The following OTUB1 variants were observed in gnomAD, a reference collection of about 807,000 sequenced individuals.
OTUB1 encodes OTU deubiquitinase, ubiquitin aldehyde binding 1, also known as ubiquitin thioesterase OTUB1.
A neutral mutation model predicts 35.8 loss-of-function variants in OTUB1; 10 were observed. The ratio of observed to expected loss-of-function variants is 0.28; its 90% CI spans 0.17 to 0.47. OTUB1 has a LOEUF of 0.47. OTUB1 is among the 20% of genes least tolerant of loss of function. The pLI is 0.99. For missense variants in OTUB1, 264 were observed against 351.6 expected (o/e 0.75, Z 1.99); for synonymous variants, 158 against 143.8 (o/e 1.10, Z -0.71).
In OTUB1 at chr11:63,988,756, G is replaced by A; in HGVS notation, c.219+4G>A. 6.2e-7 allele frequency: 1 copy of A among 1,603,364 alleles called. No individual in the cohort carries two copies. Among genetic ancestry groups the A allele is most frequent in the Non-Finnish European group, 8.5e-7 (1 of 1,170,972 alleles). On this transcript the variant is annotated splice_donor_region_variant and intron_variant, in intron 3 of 6. Coordinates refer to ENST00000538426, the MANE Select transcript of OTUB1 (RefSeq NM_017670.3). ...CATCTATCAACAGAAGATCAAGGTG[G>A]GAGCCTGGCCAGAGCGGGTGGGAAG...
At chr11:63,988,776 G>GCTTCCCACCCGCTCT in intron 3 of OTUB1, 24 bp downstream of exon 3, 1 of 1,531,390 alleles carries the variant, frequency 6.5e-7, no homozygotes, top group Non-Finnish European at 9.0e-7. Context: ...CAGAGCGGGT[G>GCTTCCCACCCGCTCT]GGAAGCACCC....
At position 63,997,587 on chromosome 11, in the gene OTUB1, C is replaced by T; in HGVS notation, c.*41C>T. On this transcript the variant is annotated 3_prime_UTR_variant, in exon 7 of 7. Coordinates refer to ENST00000538426, the MANE Select transcript of OTUB1 (RefSeq NM_017670.3). ...GCTGCTGCCCTGCTGCCCCCCTCTGCCAGGCGCTAGACATGTACAGAGGTT... is the reference window on the plus strand; with the variant it reads ...GCTGCTGCCCTGCTGCCCCCCTCTGTCAGGCGCTAGACATGTACAGAGGTT... The T allele has an allele frequency of 6.4e-7, 1 of 1,559,850 alleles. No individual in the cohort carries two copies.
In OTUB1 at chr11:63,987,384, G is replaced by A. The variant is rs148969694; in HGVS notation, c.58+870G>A. 1.8e-4 allele frequency among the ~76,000 whole-genome samples: 28 copies of A among 152,342 alleles called. 1 individual carries two copies. In the East Asian group the frequency reaches 5.4e-3, roughly 29 times the overall value. ...GGACTTGTTCAAGATGACATTAAGA[G>A]AGAGCCAGGACTAAAATTCAGGTGT... On this transcript the variant is annotated intron_variant, in intron 1 of 6. Transcript: ENST00000538426.
At chr11:63,987,180 T>C (rs1480813572) in intron 1 of OTUB1, 1 of 152,240 alleles carries the variant, frequency 6.6e-6, no homozygotes, top group Non-Finnish European at 1.5e-5. Context: ...GCGTAGGTCA[T>C]TGGGTGGCAG....
Position 63,995,145 on chromosome 11 carries a change from C to T in OTUB1, c.220-1385C>T, listed in dbSNP as rs547803817. Among the ~76,000 whole-genome samples the T allele has an allele frequency of 3.0e-4, 46 of 152,238 alleles. No homozygotes were observed. The East Asian group carries it at 5.8e-3, about 19-fold the overall frequency. On this transcript the variant is annotated intron_variant, in intron 3 of 6. Transcript: ENST00000538426. ...GACCTCCTGGGCCCACACAGTCCTC[C>T]GACCTCAGCCTCTCGAGTGGCTGGG...
At chr11:63,992,029 C>A (rs1034846308) in intron 3 of OTUB1, among the ~76,000 whole-genome samples, 2 of 152,088 alleles carry the variant, frequency 1.3e-5, no homozygotes, top group African/African-American at 4.8e-5. Flanking sequence ...ACCAGCATGA[C>A]TAACATGGTG....
chr11:63,995,282 T>C (rs984379470), intron 3 of OTUB1, among the ~76,000 whole-genome samples: 3 of 152,046 alleles, frequency 2.0e-5, no homozygotes, highest in Non-Finnish European at 4.4e-5. Flanking sequence ...CTGCAACCTC[T>C]GCTTCCCGGG....
Position 63,988,409 on chromosome 11 carries a change from G to A in OTUB1, c.120+11G>A. On this transcript the variant is annotated intron_variant, in intron 2 of 6. Coordinates refer to ENST00000538426, the MANE Select transcript of OTUB1 (RefSeq NM_017670.3). ...CGAATTCAGCAAGAGGTGAGGGGCTGCAGTGGGCGAGGGAGGCAGTGGCCA... is the reference window on the plus strand; with the variant it reads ...CGAATTCAGCAAGAGGTGAGGGGCTACAGTGGGCGAGGGAGGCAGTGGCCA... 1 of 1,553,014 alleles carries A rather than the reference G, an allele frequency of 6.4e-7. No homozygotes were observed. The highest frequency in any genetic ancestry group is 8.7e-7 in the Non-Finnish European group (1 of 1,147,450).
rs1238275020 is a variant in OTUB1 at position 63,998,129 on chromosome 11, G to A, written c.*583G>A. The A allele has an allele frequency of 3.2e-6, 1 of 312,412 alleles. No homozygotes were observed. The highest frequency in any genetic ancestry group is 7.6e-5 in the East Asian group (1 of 13,108). The allele number at this position is 312,412 out of a possible 1,614,324, so 19.4% of individuals were successfully genotyped here. A position where few individuals can be genotyped will look rare whatever the true frequency, so the allele number is the denominator to read the frequency against. On this transcript the variant is annotated 3_prime_UTR_variant, in exon 7 of 7. Coordinates refer to ENST00000538426, the MANE Select transcript of OTUB1 (RefSeq NM_017670.3). ...GGAGGAGCTGGGCCTCCCACAGGGT[G>A]CCCGGGCAGTGCCATCCTGGTGGGG...
Position 63,997,939 on chromosome 11 carries a change from C to T in OTUB1, c.*393C>T. On this transcript the variant is annotated 3_prime_UTR_variant, in exon 7 of 7. Coordinates refer to ENST00000538426, the MANE Select transcript of OTUB1 (RefSeq NM_017670.3). ...CCTGGAAGTTCCTTAGGGACTTGCC[C>T]AGGGTCCCAGGGCCACCCACACTTC... 1 of 596,726 alleles carries T rather than the reference C, an allele frequency of 1.7e-6. No homozygotes were observed. Among genetic ancestry groups the T allele is most frequent in the Non-Finnish European group, 3.0e-6 (1 of 335,180 alleles). The allele number at this position is 596,726 out of a possible 1,614,324, so 37.0% of individuals were successfully genotyped here. A position where few individuals can be genotyped will look rare whatever the true frequency, so the allele number is the denominator to read the frequency against.
intron 3 of OTUB1, among the ~76,000 whole-genome samples, chr11:63,991,327 CTTA>C (rs1004776266): frequency 5.3e-5 from 8 of 152,188 alleles, no homozygotes; most frequent in Non-Finnish European, 7.4e-5. Context: ...ATTCATTCCT[CTTA>C]TGTCAGTGTC....
chr11:63,993,782 C>T (rs932089601), intron 3 of OTUB1, among the ~76,000 whole-genome samples: 1 of 152,046 alleles, frequency 6.6e-6, no homozygotes, highest in South Asian at 2.1e-4. Flanking sequence ...TGATCCTCCC[C>T]CCTTGGCCTC....
chr11:63,988,576 T>C, intron 2 of OTUB1, 78 bp from the exon 3 acceptor site: 1 of 1,308,386 alleles, frequency 7.6e-7, no homozygotes, highest in Non-Finnish European at 1.1e-6. Context: ...AGCCCAGCTC[T>C]TTTGTAGTTA....
chr11:63,995,588 A>G (rs983699169), intron 3 of OTUB1, among the ~76,000 whole-genome samples: 2 of 151,286 alleles, frequency 1.3e-5, no homozygotes, highest in African/African-American at 4.9e-5. Context: ...TTGGCCTCCC[A>G]AAATGTTGGG....
Position 63,996,539 on chromosome 11 carries a change from A to G in OTUB1, c.229A>G (p.Lys77Glu), listed in dbSNP as rs1470682602. The G allele has an allele frequency of 2.5e-5, 40 of 1,614,030 alleles. No individual in the cohort carries two copies. Among genetic ancestry groups the G allele is most frequent in the Non-Finnish European group, 3.1e-5 (37 of 1,180,012 alleles). The change falls in exon 4 of 7, where the codon AAA (lysine) becomes GAA (glutamate). Residue 77 changes from lysine (K) to glutamate (E), a missense_variant. Lys to Glu is a moderately conservative substitution (Grantham distance 56). Around this residue, in one of 2 missense-constraint regions of OTUB1, gnomAD observed 214 missense variants for 317.1 expected, o/e 0.67. Coordinates refer to ENST00000538426, the MANE Select transcript of OTUB1 (RefSeq NM_017670.3). ...GGGGCTGTCTCCGCAGGACCTCCAC[A>G]AAAAGTACTCGTACATCCGCAAGAC... is the stretch of plus-strand genomic sequence containing the variant. ...IYQQKIKDLH[K>E]KYSYIRKTRP...
Position 63,997,531 on chromosome 11 carries a change from T to C in OTUB1, c.801T>C (p.Asp267=), listed in dbSNP as rs777367159. 1.9e-6 allele frequency: 3 copies of C among 1,613,788 alleles called. No homozygotes were observed. The South Asian group carries it at 3.3e-5, about 18-fold the overall frequency. Residue 267 remains aspartate (D), a synonymous_variant, in exon 7 of 7, where the codon GAT becomes GAC. Transcript: ENST00000538426. ...TTCTCTACCGGCCTGGACACTACGA[T>C]ATCCTCTACAAATAGGGCTGGCTCC... ...VYLLYRPGHY[D]ILYK is the part of the protein sequence containing the mutation.
rs1565187073 is a variant in OTUB1 at position 63,997,551 on chromosome 11, G to A, written c.*5G>A. On this transcript the variant is annotated 3_prime_UTR_variant, in exon 7 of 7. Transcript: ENST00000538426. ...TACGATATCCTCTACAAATAGGGCT[G>A]GCTCCAGCCCGCTGCTGCCCTGCTG... 6 of 1,612,398 alleles carry A rather than the reference G, an allele frequency of 3.7e-6. No individual in the cohort carries two copies. Among genetic ancestry groups the A allele is most frequent in the Admixed American group, 1.7e-5 (1 of 60,008 alleles).
At chr11:63,989,707 C>T (rs1291640502) in intron 3 of OTUB1, 1 of 128,854 alleles carries the variant, frequency 7.8e-6, no homozygotes, top group Non-Finnish European at 1.6e-5. Flanking sequence ...GCCTGAGCGA[C>T]GGAGTAAGAC....
rs1316374078 is a variant in OTUB1 at position 63,986,525 on chromosome 11, A to C, written c.58+11A>C. On this transcript the variant is annotated intron_variant, in intron 1 of 6. Coordinates refer to ENST00000538426, the MANE Select transcript of OTUB1 (RefSeq NM_017670.3). ...GCAGCGACTCCGAAGGTACAGATCC[A>C]AGGAGGGATGTCCGGCCCGGGCTAG... 6.5e-7 allele frequency: 1 copy of C among 1,544,374 alleles called. No homozygotes were observed. The highest frequency in any genetic ancestry group is 1.2e-5 in the South Asian group (1 of 83,858).
Sources: allele counts gnomAD v4.1 joint callset (sites outside exome capture counted in the v4.1 genomes callset), GRCh38; gene constraint gnomAD v4.1.1; regional missense constraint gnomAD v4.1.1; transcripts MANE v1.5; gene names NCBI Gene and HGNC (gene_info 2026-07-23, HGNC 2026-07-21).